USP35: variants seen among roughly 807,000 people sequenced by gnomAD.
The protein encoded by USP35 is ubiquitin specific peptidase 35, also known as ubiquitin carboxyl-terminal hydrolase 35.
A neutral mutation model predicts 83.8 loss-of-function variants in USP35; 69 were observed. The ratio of observed to expected loss-of-function variants is 0.82; its 90% CI spans 0.68 to 1.01. USP35 has a LOEUF of 1.01. USP35 is among the 50% of genes least tolerant of loss of function. The pLI is 0.00. For missense variants in USP35, 1,503 were observed against 1,362.5 expected (o/e 1.10, Z -1.62); for synonymous variants, 714 against 589.5 (o/e 1.21, Z -3.06).
rs919729344 is a variant in USP35, at chr11:78,210,589, T to A, written c.2734T>A (p.Phe912Ile). The A allele has an allele frequency of 6.2e-7, 1 of 1,614,098 alleles. No individual in the cohort carries two copies. The change falls in exon 10 of 11, where the codon TTC (phenylalanine) becomes ATC (isoleucine). Residue 912 changes from phenylalanine to isoleucine, a missense_variant. Coordinates refer to ENST00000529308, the MANE Select transcript of USP35 (RefSeq NM_020798.4). Reference protein sequence around the residue: ...SFESVSNVTSFFPKDTAYVLF... With the variant: ...SFESVSNVTSIFPKDTAYVLF... ...CGAATCTGTCAGCAACGTCACCTCCTTCTTCCCTAAGGACACAGCCTATGT... is the reference window on the plus strand; with the variant it reads ...CGAATCTGTCAGCAACGTCACCTCCATCTTCCCTAAGGACACAGCCTATGT...
At chr11:78,227,148 G>A in the USP35 span, 1 of 793,968 alleles carries the variant, frequency 1.3e-6, no homozygotes, top group East Asian at 2.6e-5. Context: ...TTTGGTTTAG[G>A]CATCTGTAAA....
chr11:78,231,169 C>T, the USP35 span, among the ~76,000 whole-genome samples: 1 of 152,134 alleles, frequency 6.6e-6, no homozygotes, highest in African/African-American at 2.4e-5. Flanking sequence ...AACACAAGCA[C>T]GTATGGGAGC....
chr11:78,205,938 C>T lies in USP35; in HGVS notation c.1294C>T (p.Leu432Phe), dbSNP rs1245319688. Residue 432 changes from leucine (L) to phenylalanine (F), a missense_variant, in exon 7 of 11, where the codon CTC becomes TTC. Leu to Phe is a conservative substitution (Grantham distance 22, BLOSUM62 0). Transcript: ENST00000529308. ...CGAGCTGGCGGGTTTCTATCCCCGGCTCATGGCCAAGTCAGACACGGGCAA... is the reference window on the plus strand; with the variant it reads ...CGAGCTGGCGGGTTTCTATCCCCGGTTCATGGCCAAGTCAGACACGGGCAA... ...KSELAGFYPR[L>F]MAKSDTGKIG... 3 of 1,614,146 alleles carry T rather than the reference C, an allele frequency of 1.9e-6. No homozygotes were observed. The highest frequency in any genetic ancestry group is 2.5e-6 in the Non-Finnish European group (3 of 1,180,058).
Position 78,196,512 on chromosome 11 carries a change from G to A in USP35, c.267G>A (p.Leu89=), listed in dbSNP as rs1193285316. The A allele has an allele frequency of 8.2e-7, 1 of 1,225,732 alleles. No individual in the cohort carries two copies. Among genetic ancestry groups the A allele is most frequent in the East Asian group, 4.1e-5 (1 of 24,650 alleles). The allele number at this position is 1,225,732 out of a possible 1,614,324, so 75.9% of individuals were successfully genotyped here. A position where few individuals can be genotyped will look rare whatever the true frequency, so the allele number is the denominator to read the frequency against. The change falls in exon 2 of 11, where the codon CTG becomes CTA. Residue 89 remains leucine (L), a synonymous_variant. Coordinates refer to ENST00000529308, the MANE Select transcript of USP35 (RefSeq NM_020798.4). The surrounding 1 kb of genome is among the most constrained non-coding windows in gnomAD (Gnocchi z 4.8). ...FFSARRVLRL[L]QGGAGPPGPR... The stretch of plus-strand genomic sequence containing the variant: ...GCGCGCGTCGCGTGCTGCGCCTGCT[G>A]CAGGGTGGCGCCGGCCCCCCGGGCC...
chr11:78,227,155 T>C, the USP35 span: 1 of 726,158 alleles, frequency 1.4e-6, no homozygotes, highest in Non-Finnish European at 2.4e-6. Flanking sequence ...TAGGCATCTG[T>C]AAAATGGTGA....
chr11:78,207,659 C>T (rs903879259), intron 8 of USP35, 36 bp downstream of exon 8: 4 of 1,597,316 alleles, frequency 2.5e-6, no homozygotes, highest in South Asian at 1.1e-5. Context: ...GGTGGAGAGG[C>T]AGCTCTGGTC....
chr11:78,232,079 C>A, the USP35 span: 1 of 152,208 alleles, frequency 6.6e-6, no homozygotes, highest in African/African-American at 2.4e-5. Context: ...ACTCTGGTTA[C>A]AGAGCAAAGC....
chr11:78,229,498 TG>T, the USP35 span, among the ~76,000 whole-genome samples: 1 of 152,304 alleles, frequency 6.6e-6, no homozygotes, highest in South Asian at 2.1e-4. Context: ...CATCTTCCTC[TG>T]GAACTCTTCT....
chr11:78,219,163 G>T, downstream of USP35: 1 of 1,046,760 alleles, frequency 9.6e-7, no homozygotes, highest in Non-Finnish European at 1.4e-6. Context: ...GCTGAGACTG[G>T]CAGAGTAGAG....
At chr11:78,200,301 ACTGCCCCTGGTAAGGGCCCTGCCTG>A in intron 5 of USP35, 67 bp downstream of exon 5, 7 of 1,519,726 alleles carry the variant, frequency 4.6e-6, no homozygotes, top group Non-Finnish European at 6.4e-6. Flanking sequence ...GGCCCTGCCT[ACTGCCCCTGGTAAGGGCCCTGCCTG>A]CTGACCCTGG....
chr11:78,189,016 T>G lies in USP35; in HGVS notation c.-152T>G. 3 of 936,780 alleles carry G rather than the reference T, an allele frequency of 3.2e-6. No individual in the cohort carries two copies. Among genetic ancestry groups the G allele is most frequent in the Non-Finnish European group, 3.8e-6 (3 of 785,506 alleles). The allele number at this position is 936,780 out of a possible 1,614,324, so 58.0% of individuals were successfully genotyped here. On this transcript the variant is annotated 5_prime_UTR_variant, in exon 1 of 11. Coordinates refer to ENST00000529308, the MANE Select transcript of USP35 (RefSeq NM_020798.4). ...TGGATTTTGCAGTGGAAGCAGCATC[T>G]CTTCCGTCTGGGACCTGGCTGAGGG...
intron 10 of USP35, among the ~76,000 whole-genome samples, chr11:78,212,221 G>A (rs1339204126): frequency 3.9e-5 from 6 of 152,152 alleles, no homozygotes; most frequent in Admixed American, 3.9e-4. Flanking sequence ...GCTTGTTTTT[G>A]TCAGGTTTGT....
the USP35 span, among the ~76,000 whole-genome samples, chr11:78,233,362 CAGCAGAGGTAA>C: frequency 1.6e-4 from 25 of 152,266 alleles, no homozygotes; most frequent in South Asian, 5.2e-3. Flanking sequence ...TTAGCCCTTC[CAGCAGAGGTAA>C]AGCAGAATCT....
At chr11:78,219,910 A>C (rs1864335412), downstream of USP35, among the ~76,000 whole-genome samples, 1 of 152,164 alleles carries the variant, frequency 6.6e-6, no homozygotes, top group Non-Finnish European at 1.5e-5. Flanking sequence ...AGGCTTTCCC[A>C]GGCCTGGAAG....
chr11:78,202,533 G>A (rs925528380), intron 6 of USP35, among the ~76,000 whole-genome samples: 6 of 152,148 alleles, frequency 3.9e-5, no homozygotes, highest in Non-Finnish European at 1.5e-5. Context: ...TAAAGGTAAA[G>A]TTCTACTGAA....
At chr11:78,229,486 A>G in the USP35 span, among the ~76,000 whole-genome samples, 1 of 152,182 alleles carries the variant, frequency 6.6e-6, no homozygotes, top group African/African-American at 2.4e-5. Flanking sequence ...GAATGAACTC[A>G]TCATCTTCCT....
the USP35 span, among the ~76,000 whole-genome samples, chr11:78,234,389 T>G: frequency 6.6e-6 from 1 of 152,088 alleles, no homozygotes; most frequent in African/African-American, 2.4e-5. Flanking sequence ...AGCCTAGAAG[T>G]TTCGTAGTAT....
chr11:78,208,730 C>G (rs1565401423), intron 8 of USP35, 127 bp from the exon 9 acceptor site: 5 of 988,766 alleles, frequency 5.1e-6, no homozygotes, highest in Non-Finnish European at 6.2e-6. Context: ...GCGGGGAGGA[C>G]CTCATGGAGG....
At chr11:78,201,766 T>C (rs189709172) in intron 6 of USP35, among the ~76,000 whole-genome samples, 1 of 152,180 alleles carries the variant, frequency 6.6e-6, no homozygotes, top group East Asian at 1.9e-4. Flanking sequence ...AAAAGGAGAC[T>C]TGGAGAAGTT....
Sources: gnomAD v4.1 joint callset for allele counts (sites outside exome capture counted in the v4.1 genomes callset) on GRCh38, gnomAD v4.1.1 for gene constraint, Gnocchi (gnomAD v3.1) non-coding constraint, MANE v1.5 for transcripts, NCBI Gene and HGNC (gene_info 2026-07-23, HGNC 2026-07-21) for gene names.